Variants in TRABD2A observed in about 807,000 individuals in gnomAD.
The protein encoded by TRABD2A is metalloprotease TIKI1.
Under a neutral mutation model 45.6 loss-of-function variants are expected in TRABD2A, and 43 were observed. That is an observed-to-expected ratio of 0.94 (90% CI 0.74 to 1.22). TRABD2A has a LOEUF of 1.22. TRABD2A is among the 50% of genes most tolerant of loss of function. The pLI is 0.00. For synonymous variants in TRABD2A, 269 were observed against 265.0 expected (o/e 1.02, Z -0.15); for missense variants, 642 against 652.4 (o/e 0.98, Z 0.17).
chr2:84,870,409 C>T lies in TRABD2A; in HGVS notation c.485G>A (p.Arg162His), dbSNP rs369195191. 1.2e-5 allele frequency: 20 copies of T among 1,613,868 alleles called. No individual in the cohort carries two copies. The highest frequency in any genetic ancestry group is 2.7e-5 in the African/African-American group (2 of 74,906). Residue 162 changes from arginine (R) to histidine (H), a missense_variant, in exon 2 of 7, where the codon CGC becomes CAC. Coordinates refer to ENST00000409520, the MANE Select transcript of TRABD2A (RefSeq NM_001277053.2). Reference sequence around the variant, plus strand: ...GAGCATCACCCAGACAGGCCTCTTGCGCTCCCAGTTTCCGGCAATAGCATT... The same window carrying T: ...GAGCATCACCCAGACAGGCCTCTTGTGCTCCCAGTTTCCGGCAATAGCATT... ...LFNAIAGNWE[R>H]KRPVWVMLMV...
At chr2:84,858,960 C>A (rs970554375) in intron 2 of TRABD2A, among the ~76,000 whole-genome samples, 2 of 152,158 alleles carry the variant, frequency 1.3e-5, no homozygotes, top group Non-Finnish European at 2.9e-5. Context: ...GACCCCATCT[C>A]TACAGAAATA....
At chr2:84,836,265 A>G (rs1213141813) in intron 4 of TRABD2A, 1 of 152,220 alleles carries the variant, frequency 6.6e-6, no homozygotes, top group African/African-American at 2.4e-5. Context: ...GCAGAATACA[A>G]ATTCTATTCA....
chr2:84,824,268 C>A, intron 5 of TRABD2A, 64 bp from the exon 6 acceptor site: 2 of 1,586,184 alleles, frequency 1.3e-6, no homozygotes, highest in South Asian at 2.3e-5. Flanking sequence ...CCCTCCCCAG[C>A]TCTCTTACAC....
chr2:84,848,395 C>A (rs556315174), intron 2 of TRABD2A, among the ~76,000 whole-genome samples: 11 of 146,398 alleles, frequency 7.5e-5, no homozygotes, highest in Admixed American at 1.3e-4. Context: ...GACAGACAGA[C>A]AGACAGACAG....
At chr2:84,872,137 G>A (rs1682886989) in intron 1 of TRABD2A, among the ~76,000 whole-genome samples, 1 of 152,188 alleles carries the variant, frequency 6.6e-6, no homozygotes, top group Non-Finnish European at 1.5e-5. Context: ...GGAATTAGGT[G>A]TAAATGGCAG....
chr2:84,865,451 T>C (rs1200326384), intron 2 of TRABD2A, among the ~76,000 whole-genome samples: 1 of 152,252 alleles, frequency 6.6e-6, no homozygotes, highest in Non-Finnish European at 1.5e-5. Context: ...AAAGGAGTTT[T>C]ACATCCAACT....
intron 2 of TRABD2A, among the ~76,000 whole-genome samples, chr2:84,843,037 A>G (rs2105383116): frequency 6.6e-6 from 1 of 151,568 alleles, no homozygotes; most frequent in South Asian, 2.1e-4. Context: ...GCTGGGTCAG[A>G]GGTGGGGAGG....
chr2:84,870,895 G>C, intron 1 of TRABD2A, 110 bp from the exon 2 acceptor site: 1 of 1,143,190 alleles, frequency 8.7e-7, no homozygotes, highest in Non-Finnish European at 1.2e-6. Context: ...TATCAAAGTA[G>C]AATTTAGACT....
chr2:84,864,951 G>C (rs1211116192), intron 2 of TRABD2A, among the ~76,000 whole-genome samples: 1 of 152,138 alleles, frequency 6.6e-6, no homozygotes, highest in Non-Finnish European at 1.5e-5. Flanking sequence ...CAGGCTGAGA[G>C]AGGTGGCATC....
chr2:84,879,419 T>G (rs868818132), intron 1 of TRABD2A, among the ~76,000 whole-genome samples: 3 of 152,120 alleles, frequency 2.0e-5, no homozygotes, highest in African/African-American at 7.2e-5. Flanking sequence ...TGGGCTCAAG[T>G]GATCCACCGC....
chr2:84,861,778 C>A (rs1462760502), intron 2 of TRABD2A, among the ~76,000 whole-genome samples: 1 of 152,220 alleles, frequency 6.6e-6, no homozygotes, highest in Admixed American at 6.5e-5. Context: ...CAGCGATAAA[C>A]AACCTCACCT....
rs1182160008 is a variant in TRABD2A at position 84,822,093 on chromosome 2, CTA to C, written c.1340_1341del (p.Ile447SerfsTer16). The part of the protein sequence containing the change: ...DLWVRLEESD[I>X]VPQLQVPVLD... ...AGGACAGGGACCTGGAGTTGCGGGA[CTA>C]TGTCACTAGGAGGCAAAGAGAAAGA... On this transcript the variant is annotated frameshift_variant, in exon 7 of 7. Coordinates refer to ENST00000409520, the MANE Select transcript of TRABD2A (RefSeq NM_001277053.2). LOFTEE classifies it low-confidence loss of function (END_TRUNC). 1.9e-6 allele frequency: 3 copies of C among 1,570,610 alleles called. No homozygotes were observed. Among genetic ancestry groups the C allele is most frequent in the Non-Finnish European group, 2.6e-6 (3 of 1,157,024 alleles).
intron 1 of TRABD2A, chr2:84,879,695 C>T: frequency 1.4e-6 from 1 of 731,998 alleles, no homozygotes; most frequent in Non-Finnish European, 1.7e-6. Flanking sequence ...CATGAAGCGG[C>T]CACACCGCAA....
intron 2 of TRABD2A, among the ~76,000 whole-genome samples, chr2:84,842,978 C>CCAGGAGAA (rs1234396273): frequency 2.0e-5 from 3 of 151,452 alleles, no homozygotes; most frequent in Non-Finnish European, 4.4e-5. Flanking sequence ...TCTCCAGTGT[C>CCAGGAGAA]CAGGAGAATT....
At chr2:84,832,014 G>T (rs1207156931) in intron 5 of TRABD2A, 41 bp downstream of exon 5, 1 of 1,606,864 alleles carries the variant, frequency 6.2e-7, no homozygotes, top group Non-Finnish European at 8.5e-7. Context: ...CCCCATGAGG[G>T]TCTCAGCTCC....
At chr2:84,851,438 A>G (rs192696628) in intron 2 of TRABD2A, among the ~76,000 whole-genome samples, 41 of 152,342 alleles carry the variant, frequency 2.7e-4, no homozygotes, top group Non-Finnish European at 3.5e-4. Flanking sequence ...AAGACCTTAG[A>G]TGTCAGCTGT....
chr2:84,877,716 T>C (rs1683073073), intron 1 of TRABD2A, among the ~76,000 whole-genome samples: 1 of 152,106 alleles, frequency 6.6e-6, no homozygotes. Context: ...GTCCATCCAG[T>C]GAAAAAGAAC....
Position 84,822,097 on chromosome 2 carries a change from G to C in TRABD2A, c.1338C>G (p.Asp446Glu), listed in dbSNP as rs750581584. ...SDLWVRLEES[D>E]IVPQLQVPVL... ...CAGGGACCTGGAGTTGCGGGACTAT[G>C]TCACTAGGAGGCAAAGAGAAAGACA... is the stretch of plus-strand genomic sequence containing the variant. Residue 446 changes from aspartate to glutamate, a missense_variant, in exon 7 of 7, where the codon GAC (aspartate) becomes GAG (glutamate). Transcript: ENST00000409520. 1 of 1,565,736 alleles carries C rather than the reference G, an allele frequency of 6.4e-7. No individual in the cohort carries two copies. The highest frequency in any genetic ancestry group is 1.9e-5 in the Admixed American group (1 of 53,384).
intron 5 of TRABD2A, among the ~76,000 whole-genome samples, chr2:84,824,687 A>G (rs1230978915): frequency 2.0e-5 from 3 of 151,956 alleles, no homozygotes; most frequent in Non-Finnish European, 2.9e-5. Flanking sequence ...AATACAAGCA[A>G]ATGTCACGAA....
Sources: allele counts gnomAD v4.1 joint callset (sites outside exome capture counted in the v4.1 genomes callset), GRCh38; gene constraint gnomAD v4.1.1; transcripts MANE v1.5; gene names NCBI Gene and HGNC (gene_info 2026-07-23, HGNC 2026-07-21).